The following BAZ1A variants were observed in gnomAD, a reference collection of about 807,000 sequenced individuals.
BAZ1A encodes the protein bromodomain adjacent to zinc finger domain 1A.
Under a neutral mutation model 185.2 loss-of-function variants are expected in BAZ1A, and 50 were observed. The ratio of observed to expected loss-of-function variants is 0.27; its 90% CI spans 0.22 to 0.34. The LOEUF (loss-of-function observed/expected upper bound fraction) is 0.34. BAZ1A is among the 10% of genes least tolerant of loss of function. BAZ1A has a pLI of 1.00. For missense variants in BAZ1A, 1,356 were observed against 1,839.9 expected, an observed-to-expected ratio of 0.74 and a Z score of 4.81; for synonymous variants, 571 against 615.6, an observed-to-expected ratio of 0.93 and a Z score of 1.07.
chr14:34,874,645 C>G lies in BAZ1A; in HGVS notation c.-41G>C, dbSNP rs777649278. 2 of 1,514,910 alleles carry G rather than the reference C, an allele frequency of 1.3e-6. No homozygotes were observed. The highest frequency in any genetic ancestry group is 3.7e-5 in the Admixed American group (2 of 53,486). The allele number at this position is 1,514,910 out of a possible 1,614,324, so 93.8% of individuals were successfully genotyped here. On this transcript the variant is annotated 5_prime_UTR_variant, in exon 2 of 27. Coordinates refer to ENST00000360310, the MANE Select transcript of BAZ1A (RefSeq NM_013448.3). The surrounding 1 kb of genome is among the most constrained non-coding windows in gnomAD (Gnocchi z 4.7). ...GGGCTCGCCTGGACCCTCGGCCGCC[C>G]GCGCCGGCCCCGCTTCCCTATCAAA...
chr14:34,847,787 A>C (rs918689959), intron 3 of BAZ1A, among the ~76,000 whole-genome samples: 1 of 152,188 alleles, frequency 6.6e-6, no homozygotes, highest in South Asian at 2.1e-4. Context: ...CAAAGATAAA[A>C]AATCAATTTT....
chr14:34,866,502 A>AAAAAAAAAAAAAAAAAAGAAAG lies in BAZ1A; in HGVS notation c.114-4181_114-4180insCTTTCTTTTTTTTTTTTTTTTT. Among the ~76,000 whole-genome samples the AAAAAAAAAAAAAAAAAAGAAAG allele has an allele frequency of 1.4e-3, 112 of 79,484 alleles. 9 individuals are homozygous for AAAAAAAAAAAAAAAAAAGAAAG. The highest frequency in any genetic ancestry group is 1.8e-3 in the African/African-American group (46 of 26,156). The allele number at this position is 79,484 out of a possible 152,430, so 52.1% of individuals were successfully genotyped here. A position where few individuals can be genotyped will look rare whatever the true frequency, so the allele number is the denominator to read the frequency against. On this transcript the variant is annotated intron_variant, in intron 2 of 26. Coordinates refer to ENST00000360310, the MANE Select transcript of BAZ1A (RefSeq NM_013448.3). ...AACAATATCTCAAAAAAAAAAAAAAAGAAAAAAGTTCTAACTTTTTCCTAT... is the reference window on the plus strand; with the variant it reads ...AACAATATCTCAAAAAAAAAAAAAAAAAAAAAAAAAAAAAAAAGAAAGGAAAAAAGTTCTAACTTTTTCCTAT...
intron 16 of BAZ1A, among the ~76,000 whole-genome samples, chr14:34,782,492 A>G (rs1020298386): frequency 6.6e-6 from 1 of 151,604 alleles, no homozygotes; most frequent in Admixed American, 6.6e-5. Context: ...GAATCTTTCA[A>G]TTTTTTATTG....
intron 3 of BAZ1A, among the ~76,000 whole-genome samples, chr14:34,828,887 T>A (rs951554766): frequency 4.6e-5 from 7 of 152,154 alleles, no homozygotes; most frequent in African/African-American, 1.7e-4. Context: ...TTTATAAATA[T>A]CCCCTTATAT....
At chr14:34,777,430 C>T (rs989988244) in intron 17 of BAZ1A, among the ~76,000 whole-genome samples, 1 of 151,112 alleles carries the variant, frequency 6.6e-6, no homozygotes, top group Admixed American at 6.6e-5. Context: ...GATCACCTGA[C>T]ATCAGGAGTT....
At chr14:34,862,805 G>T (rs1301314566) in intron 2 of BAZ1A, among the ~76,000 whole-genome samples, 1 of 150,176 alleles carries the variant, frequency 6.7e-6, no homozygotes, top group Non-Finnish European at 1.5e-5. Context: ...AAGAGGAAAA[G>T]AGAAAAAGGA....
chr14:34,857,339 T>C (rs1422382516), intron 3 of BAZ1A, among the ~76,000 whole-genome samples: 1 of 152,180 alleles, frequency 6.6e-6, no homozygotes. Flanking sequence ...GGTCTTGCTG[T>C]GTCACCCTAG....
intron 8 of BAZ1A, 52 bp downstream of exon 8, chr14:34,801,042 A>C (rs1369377216): frequency 1.9e-5 from 25 of 1,350,316 alleles, no homozygotes; most frequent in Non-Finnish European, 2.4e-5. Flanking sequence ...AGGCACAGAG[A>C]AATATTCTTT....
chr14:34,861,428 G>A (rs766616926), intron 3 of BAZ1A, among the ~76,000 whole-genome samples: 12 of 152,166 alleles, frequency 7.9e-5, no homozygotes, highest in Non-Finnish European at 1.5e-4. Flanking sequence ...CTACAGAAAG[G>A]AGAAGTGTAT....
At chr14:34,799,055 CAAA>C in intron 9 of BAZ1A, among the ~76,000 whole-genome samples, 1 of 151,694 alleles carries the variant, frequency 6.6e-6, no homozygotes, top group Admixed American at 6.6e-5. Context: ...TATGCAGCCA[CAAA>C]AAAGGATGAG....
intron 4 of BAZ1A, among the ~76,000 whole-genome samples, chr14:34,811,714 G>A (rs1430947816): frequency 1.3e-5 from 2 of 152,130 alleles, no homozygotes; most frequent in East Asian, 3.8e-4. Flanking sequence ...GCACTATTTT[G>A]TTTTAGGTAG....
Position 34,874,521 on chromosome 14 carries a change from T to A in BAZ1A, c.84A>T (p.Lys28Asn). Residue 28 changes from lysine to asparagine, a missense_variant, in exon 2 of 27, where the codon AAA (lysine) becomes AAT (asparagine). Lys to Asn is a moderately conservative substitution (Grantham distance 94). Coordinates refer to ENST00000360310, the MANE Select transcript of BAZ1A (RefSeq NM_013448.3). The surrounding 1 kb of genome is among the most constrained non-coding windows in gnomAD (Gnocchi z 4.7). ...LRPDEEVFYC[K>N]VTNEIFRHYD... is the part of the protein sequence containing the mutation. The stretch of plus-strand genomic sequence containing the variant: ...AGTGGCGGAAGATCTCGTTGGTGAC[T>A]TTACAGTAGAAAACTTCCTCGTCGG... 6.2e-7 allele frequency: 1 copy of A among 1,612,012 alleles called. No individual in the cohort carries two copies. Among genetic ancestry groups the A allele is most frequent in the Non-Finnish European group, 8.5e-7 (1 of 1,179,116 alleles).
intron 5 of BAZ1A, among the ~76,000 whole-genome samples, chr14:34,810,306 A>C (rs2041912511): frequency 6.6e-6 from 1 of 152,190 alleles, no homozygotes; most frequent in African/African-American, 2.4e-5. Context: ...TGTATAACCT[A>C]AAGCCAGTTC....
intron 25 of BAZ1A, among the ~76,000 whole-genome samples, chr14:34,757,497 G>A (rs920883497): frequency 6.9e-6 from 1 of 145,168 alleles, no homozygotes; most frequent in Non-Finnish European, 1.5e-5. Flanking sequence ...AAACCCTGTC[G>A]CTAATAAAAA....
rs145344050 is a variant in BAZ1A, at chr14:34,856,125, C to G, written c.392+5919G>C. On this transcript the variant is annotated intron_variant, in intron 3 of 26. Transcript: ENST00000360310. Reference sequence around the variant, plus strand: ...GCTAAACACTGAGATATCATCCAATCTGGCAAAGGTTAAAAGACTTATTCA... The same window carrying G: ...GCTAAACACTGAGATATCATCCAATGTGGCAAAGGTTAAAAGACTTATTCA... Among the ~76,000 whole-genome samples, 9 of 152,266 alleles carry G rather than the reference C, an allele frequency of 5.9e-5. No homozygotes were observed. In the East Asian group the frequency reaches 1.7e-3, roughly 29 times the overall value.
At position 34,792,750 on chromosome 14, in the gene BAZ1A, A is replaced by G. The variant is rs74043556; in HGVS notation, c.1510+25T>C. On this transcript the variant is annotated intron_variant, in intron 12 of 26. Transcript: ENST00000360310. Reference sequence around the variant, plus strand: ...TTCGCTACAAAACTACTATGGTTCAATCAGCAATAATGTTGAACTCTGACC... The same window carrying G: ...TTCGCTACAAAACTACTATGGTTCAGTCAGCAATAATGTTGAACTCTGACC... 7.3e-4 allele frequency: 1,171 copies of G among 1,608,440 alleles called. 13 individuals carry two copies. The African/African-American group carries it at 0.014, about 19-fold the overall frequency.
chr14:34,862,325 G>A lies in BAZ1A; in HGVS notation c.114-3C>T. The A allele has an allele frequency of 6.3e-7, 1 of 1,580,318 alleles. No individual in the cohort carries two copies. Among genetic ancestry groups the A allele is most frequent in the Non-Finnish European group, 8.6e-7 (1 of 1,165,774 alleles). On this transcript the variant is annotated splice_polypyrimidine_tract_variant and splice_region_variant and intron_variant, in intron 2 of 26. Transcript: ENST00000360310. ...GAATGGTTCGTTCAAAAAAGTCACTGATTAAAAAACAAAAACAAAAACAAA... is the reference window on the plus strand; with the variant it reads ...GAATGGTTCGTTCAAAAAAGTCACTAATTAAAAAACAAAAACAAAAACAAA...
At chr14:34,782,200 G>C (rs1880081110) in intron 16 of BAZ1A, among the ~76,000 whole-genome samples, 1 of 152,184 alleles carries the variant, frequency 6.6e-6, no homozygotes, top group African/African-American at 2.4e-5. Context: ...ATGTATGAGA[G>C]TCCTGATTTC....
intron 3 of BAZ1A, among the ~76,000 whole-genome samples, chr14:34,860,764 G>A (rs2042756764): frequency 6.6e-6 from 1 of 151,764 alleles, no homozygotes; most frequent in Non-Finnish European, 1.5e-5. Flanking sequence ...TGGGTGTGGT[G>A]GTGGGTGCCT....
Sources: gnomAD v4.1 joint callset for allele counts (sites outside exome capture counted in the v4.1 genomes callset) on GRCh38, gnomAD v4.1.1 for gene constraint, Gnocchi (gnomAD v3.1) non-coding constraint, MANE v1.5 for transcripts, NCBI Gene and HGNC (gene_info 2026-07-23, HGNC 2026-07-21) for gene names.